Variants in HECW1 observed in about 807,000 individuals in gnomAD.
The protein encoded by HECW1 is E3 ubiquitin-protein ligase HECW1.
HECW1 carries 61 observed loss-of-function variants against 182.3 expected under a neutral mutation model. That is an observed-to-expected ratio of 0.33 (90% CI 0.27 to 0.41). The LOEUF is 0.41. Ranked by LOEUF, HECW1 falls within the 10% of genes least tolerant of loss-of-function variation. The pLI is 1.00. For synonymous variants in HECW1, 859 were observed against 832.6 expected (o/e 1.03, Z -0.55); for missense variants, 1,739 against 2,108.9 (o/e 0.82, Z 3.44).
intron 21 of HECW1, among the ~76,000 whole-genome samples, chr7:43,506,766 A>G (rs573981727): frequency 1.3e-5 from 2 of 152,192 alleles, no homozygotes; most frequent in South Asian, 4.1e-4. Flanking sequence ...TACTAAAAAT[A>G]CAAAAATTAA....
chr7:43,115,224 T>C (rs1784945670), intron 2 of HECW1, among the ~76,000 whole-genome samples: 1 of 151,760 alleles, frequency 6.6e-6, no homozygotes, highest in Admixed American at 6.6e-5. Context: ...GGCTTATTTT[T>C]ATACCTTGCA....
intron 2 of HECW1, among the ~76,000 whole-genome samples, chr7:43,230,955 GC>G (rs2152709035): frequency 6.6e-6 from 1 of 152,154 alleles, no homozygotes; most frequent in East Asian, 1.9e-4. Context: ...CATCATCAGG[GC>G]CCTCCAGCTC....
chr7:43,183,872 C>T (rs1049068872), intron 2 of HECW1, among the ~76,000 whole-genome samples: 5 of 151,906 alleles, frequency 3.3e-5, no homozygotes, highest in African/African-American at 9.7e-5. Context: ...ATGTTTTTTG[C>T]TATTTACAGT....
At chr7:43,515,294 G>C (rs1041386830) in intron 24 of HECW1, among the ~76,000 whole-genome samples, 1 of 152,152 alleles carries the variant, frequency 6.6e-6, no homozygotes, top group East Asian at 1.9e-4. Context: ...CAATGACAGG[G>C]AGCCAGGCAT....
At chr7:43,273,149 G>A (rs1584274329) in intron 3 of HECW1, among the ~76,000 whole-genome samples, 1 of 152,144 alleles carries the variant, frequency 6.6e-6, no homozygotes, top group African/African-American at 2.4e-5. Context: ...GATGGCAACA[G>A]TAGAAACTGG....
chr7:43,376,850 AG>A (rs1389770416), intron 6 of HECW1, among the ~76,000 whole-genome samples: 1 of 151,340 alleles, frequency 6.6e-6, no homozygotes, highest in Non-Finnish European at 1.5e-5. Context: ...TGGGTGACAG[AG>A]CAAGGACTCT....
chr7:43,235,560 G>A (rs1798252914), intron 2 of HECW1, among the ~76,000 whole-genome samples: 1 of 152,166 alleles, frequency 6.6e-6, no homozygotes, highest in Admixed American at 6.5e-5. Context: ...GGAAATCTAT[G>A]AAGATTCATT....
At chr7:43,475,424 G>T (rs2152904045) in intron 16 of HECW1, among the ~76,000 whole-genome samples, 1 of 152,204 alleles carries the variant, frequency 6.6e-6, no homozygotes, top group Non-Finnish European at 1.5e-5. Flanking sequence ...AGAAATTGTT[G>T]AAAATACATG....
At chr7:43,460,435 G>A (rs1337008977) in intron 13 of HECW1, among the ~76,000 whole-genome samples, 1 of 152,060 alleles carries the variant, frequency 6.6e-6, no homozygotes, top group Non-Finnish European at 1.5e-5. Flanking sequence ...TCTGTTCTTG[G>A]GCTTTTTTAA....
rs1157733416 is a variant in HECW1, at chr7:43,312,357, A to G, written c.352+270A>G. Among the ~76,000 whole-genome samples the G allele has an allele frequency of 2.6e-5, 4 of 152,228 alleles. No homozygotes were observed. In the East Asian group the frequency reaches 7.7e-4, roughly 29 times the overall value. On this transcript the variant is annotated intron_variant, in intron 4 of 29. Coordinates refer to ENST00000395891, the MANE Select transcript of HECW1 (RefSeq NM_015052.5). ...AAATGTCATTATCATTTGCAACTAT[A>G]GAAGCTCTTCTACTTGTGAATAAGT...
intron 19 of HECW1, among the ~76,000 whole-genome samples, chr7:43,494,507 T>C (rs918014241): frequency 2.1e-5 from 2 of 95,436 alleles, no homozygotes; most frequent in Admixed American, 2.1e-4. Context: ...AAAGTCAAGA[T>C]TTTTTTTTTT....
At chr7:43,157,443 T>C (rs994361150) in intron 2 of HECW1, among the ~76,000 whole-genome samples, 4 of 152,242 alleles carry the variant, frequency 2.6e-5, no homozygotes, top group African/African-American at 9.6e-5. Context: ...GACTGTAATA[T>C]TCAGATACTT....
At chr7:43,209,444 A>C (rs1795801814) in intron 2 of HECW1, among the ~76,000 whole-genome samples, 1 of 152,090 alleles carries the variant, frequency 6.6e-6, no homozygotes, top group African/African-American at 2.4e-5. Flanking sequence ...TTTTCAGGCC[A>C]ATGACTATTA....
At chr7:43,132,251 G>T (rs1244072646) in intron 2 of HECW1, among the ~76,000 whole-genome samples, 2 of 143,060 alleles carry the variant, frequency 1.4e-5, no homozygotes, top group Non-Finnish European at 3.0e-5. Flanking sequence ...TATCATTTTT[G>T]ATGCAGTTTA....
chr7:43,422,928 CGAGAGTCGTGGTCTCCA>C (rs2076239590), intron 8 of HECW1, among the ~76,000 whole-genome samples: 2 of 82,372 alleles, frequency 2.4e-5, no homozygotes, highest in Non-Finnish European at 4.7e-5. Flanking sequence ...AGTGCCTGGC[CGAGAGTCGTGGTCTCCA>C]GGATTTAAGC....
At chr7:43,500,834 C>A (rs1356429396) in intron 20 of HECW1, 52 bp downstream of exon 20, 1 of 1,429,180 alleles carries the variant, frequency 7.0e-7, no homozygotes, top group Non-Finnish European at 9.9e-7. Context: ...GGGCAGCTCT[C>A]CTCCATCACG....
intron 28 of HECW1, among the ~76,000 whole-genome samples, chr7:43,553,492 A>G (rs963092857): frequency 3.9e-5 from 6 of 152,074 alleles, no homozygotes; most frequent in African/African-American, 1.2e-4. Context: ...AGCCTGGTGA[A>G]ACCCTGCCTC....
At chr7:43,375,987 T>C (rs2074307434) in intron 6 of HECW1, among the ~76,000 whole-genome samples, 1 of 150,246 alleles carries the variant, frequency 6.7e-6, no homozygotes, top group Non-Finnish European at 1.5e-5. Flanking sequence ...AATTACTGGT[T>C]GAGGTGCATA....
At chr7:43,253,723 T>G (rs1192713465) in intron 3 of HECW1, among the ~76,000 whole-genome samples, 1 of 152,128 alleles carries the variant, frequency 6.6e-6, no homozygotes, top group African/African-American at 2.4e-5. Flanking sequence ...CTGGCCAATA[T>G]GGTGAAACCC....
Sources: gnomAD v4.1 joint callset for allele counts (sites outside exome capture counted in the v4.1 genomes callset) on GRCh38, gnomAD v4.1.1 for gene constraint, MANE v1.5 for transcripts, NCBI Gene and HGNC (gene_info 2026-07-23, HGNC 2026-07-21) for gene names.